The following SORT1 variants were observed in gnomAD, a reference collection of about 807,000 sequenced individuals.
SORT1 encodes sortilin.
Under a neutral mutation model 101.7 loss-of-function variants are expected in SORT1, and 39 were observed. That is an observed-to-expected ratio of 0.38 (90% CI 0.30 to 0.50). The LOEUF is 0.50. Among genes scored for constraint, SORT1 ranks in the 20% least tolerant of loss-of-function variants. The pLI, the probability that SORT1 is intolerant of heterozygous loss-of-function variation, is 0.90. For synonymous variants in SORT1, 396 were observed against 393.7 expected (o/e 1.01, Z -0.07); for missense variants, 878 against 1,040.4 (o/e 0.84, Z 2.15).
In SORT1 at chr1:109,331,180, G is replaced by A. The variant is rs189326297; in HGVS notation, c.1372-3579C>T. ...GACACTAGAAGAAAACAAAATTACAGGTCAATATCTCTGATGAACATAGAT... is the reference window on the plus strand; with the variant it reads ...GACACTAGAAGAAAACAAAATTACAAGTCAATATCTCTGATGAACATAGAT... On this transcript the variant is annotated intron_variant, in intron 11 of 19. Coordinates refer to ENST00000256637, the MANE Select transcript of SORT1 (RefSeq NM_002959.7). Among the ~76,000 whole-genome samples, 894 of 152,182 alleles carry A rather than the reference G, an allele frequency of 5.9e-3. 44 individuals are homozygous for A. The highest frequency in any genetic ancestry group is 0.054 in the Admixed American group (819 of 15,284).
intron 1 of SORT1, among the ~76,000 whole-genome samples, chr1:109,384,760 A>T (rs578092408): frequency 6.6e-6 from 1 of 152,248 alleles, no homozygotes; most frequent in East Asian, 1.9e-4. Flanking sequence ...CAGAAAGTGG[A>T]AGCAAGCACA....
At position 109,323,078 on chromosome 1, in the gene SORT1, G is replaced by A. The variant is rs960026366; in HGVS notation, c.1878C>T (p.Asp626=). The A allele has an allele frequency of 1.2e-6, 2 of 1,614,108 alleles. No homozygotes were observed. The highest frequency in any genetic ancestry group is 2.2e-5 in the East Asian group (1 of 44,874). Residue 626 remains aspartate, a synonymous_variant, in exon 15 of 20, where the codon GAC becomes GAT. Transcript: ENST00000256637. ...DYTIWLAHST[D]PEDYEDGCIL... ...TGCAGCCATCTTCATAATCTTCAGG[G>A]TCTGTGGAGTGTGCCAGCCATATGG...
intron 17 of SORT1, among the ~76,000 whole-genome samples, chr1:109,316,461 G>A (rs1378272583): frequency 2.0e-5 from 3 of 152,102 alleles, no homozygotes; most frequent in Non-Finnish European, 4.4e-5. Flanking sequence ...TTGAACTCCT[G>A]ACCTCAGTGA....
chr1:109,352,377 GAAT>G (rs1010688587), intron 5 of SORT1, among the ~76,000 whole-genome samples: 1 of 152,142 alleles, frequency 6.6e-6, no homozygotes, highest in Non-Finnish European at 1.5e-5. Flanking sequence ...GAACTAAAAG[GAAT>G]AATGTCACAG....
intron 3 of SORT1, among the ~76,000 whole-genome samples, chr1:109,365,931 T>C (rs1557813326): frequency 6.6e-6 from 1 of 152,226 alleles, no homozygotes; most frequent in Non-Finnish European, 1.5e-5. Flanking sequence ...AGCTTGAACA[T>C]GGGTTCACTC....
intron 1 of SORT1, among the ~76,000 whole-genome samples, chr1:109,386,704 T>TAAGAGG (rs1276111982): frequency 3.3e-5 from 5 of 152,148 alleles, no homozygotes; most frequent in Non-Finnish European, 7.4e-5. Context: ...AAATAATTGT[T>TAAGAGG]AAAAGTTTAA....
At chr1:109,351,043 C>T (rs1649922833) in intron 5 of SORT1, 41 bp from the exon 6 acceptor site, 1 of 1,305,500 alleles carries the variant, frequency 7.7e-7, no homozygotes, top group Admixed American at 1.7e-5. Context: ...CTAGCTTTAT[C>T]CTGTGTAGTT....
intron 1 of SORT1, among the ~76,000 whole-genome samples, chr1:109,387,522 A>G (rs528641620): frequency 6.6e-6 from 1 of 150,600 alleles, no homozygotes; most frequent in Non-Finnish European, 1.5e-5. Flanking sequence ...TTTAAAATTT[A>G]AAATTTTGTT....
chr1:109,381,819 G>A (rs1053964421), intron 1 of SORT1, among the ~76,000 whole-genome samples: 1 of 151,966 alleles, frequency 6.6e-6, no homozygotes, highest in Non-Finnish European at 1.5e-5. Context: ...AGCCATGATT[G>A]TGCCACTGCA....
chr1:109,375,469 AG>A (rs1218822013), intron 1 of SORT1, among the ~76,000 whole-genome samples: 3 of 129,336 alleles, frequency 2.3e-5, no homozygotes. Context: ...CGTGAACCCC[AG>A]GGGGCGGTGC....
intron 1 of SORT1, chr1:109,392,650 C>T: frequency 1.0e-6 from 1 of 985,104 alleles, no homozygotes; most frequent in Non-Finnish European, 1.2e-6. Flanking sequence ...GCTTTCTACT[C>T]TCATCCCAAC....
At chr1:109,355,323 G>T in intron 4 of SORT1, 44 bp downstream of exon 4, 1 of 927,244 alleles carries the variant, frequency 1.1e-6, no homozygotes, top group Non-Finnish European at 1.8e-6. Flanking sequence ...AGCTCTGCAT[G>T]TGGTATCAAG....
chr1:109,355,653 C>CCA (rs1650266978), intron 3 of SORT1, among the ~76,000 whole-genome samples, 184 bp from the exon 4 acceptor site: 2 of 139,150 alleles, frequency 1.4e-5, no homozygotes, highest in Non-Finnish European at 1.6e-5. Flanking sequence ...CCGCCCCCCC[C>CCA]CCCACAAACC....
At chr1:109,375,662 A>G (rs944871547) in intron 1 of SORT1, among the ~76,000 whole-genome samples, 10 of 152,068 alleles carry the variant, frequency 6.6e-5, no homozygotes, top group Admixed American at 5.9e-4. Context: ...AAATACACCA[A>G]AGCACATCAT....
intron 8 of SORT1, 82 bp from the exon 9 acceptor site, chr1:109,342,240 A>G (rs1649276605): frequency 9.7e-7 from 1 of 1,029,480 alleles, no homozygotes; most frequent in East Asian, 2.5e-5. Context: ...TGTTTTAAAT[A>G]ACTACTATTA....
intron 7 of SORT1, among the ~76,000 whole-genome samples, chr1:109,346,605 C>T (rs1055418386): frequency 2.6e-5 from 4 of 151,718 alleles, no homozygotes; most frequent in African/African-American, 4.8e-5. Context: ...ATTAGCCGGG[C>T]GTGGTGACAG....
Position 109,369,513 on chromosome 1 carries a change from C to T in SORT1, c.366+17G>A. ...CTTCTTGCTGGGCTGAAATAACAGA[C>T]TCAAAATATGACTTACCCCAGTGCT... On this transcript the variant is annotated intron_variant, in intron 2 of 19. Transcript: ENST00000256637. 6.5e-7 allele frequency: 1 copy of T among 1,544,204 alleles called. No individual in the cohort carries two copies. Among genetic ancestry groups the T allele is most frequent in the Non-Finnish European group, 9.0e-7 (1 of 1,116,186 alleles).
chr1:109,325,590 G>T (rs545910440), intron 13 of SORT1, among the ~76,000 whole-genome samples: 2 of 152,222 alleles, frequency 1.3e-5, no homozygotes, highest in Non-Finnish European at 2.9e-5. Context: ...GAAGAGATTT[G>T]TTCAGAGAGA....
chr1:109,396,123 A>G (rs1413519244), intron 1 of SORT1, among the ~76,000 whole-genome samples: 1 of 152,074 alleles, frequency 6.6e-6, no homozygotes, highest in Non-Finnish European at 1.5e-5. Flanking sequence ...AGCTAGGCAT[A>G]GTGGTGCACA....
Sources: gnomAD v4.1 joint callset for allele counts (sites outside exome capture counted in the v4.1 genomes callset) on GRCh38, gnomAD v4.1.1 for gene constraint, MANE v1.5 for transcripts, NCBI Gene and HGNC (gene_info 2026-07-23, HGNC 2026-07-21) for gene names.